ERC2: variants seen among roughly 807,000 people sequenced by gnomAD.
ERC2 encodes ELKS/RAB6-interacting/CAST family member 2, also known as ERC protein 2.
Under a neutral mutation model 114.8 loss-of-function variants are expected in ERC2, and 42 were observed. The observed-to-expected ratio is 0.37, with a 90% CI of 0.29 to 0.47. ERC2 has a LOEUF of 0.47. Ranked by LOEUF, ERC2 falls within the 20% of genes least tolerant of loss-of-function variation. ERC2 has a pLI of 0.99. For synonymous variants in ERC2, 454 were observed against 425.5 expected (o/e 1.07, Z -0.82); for missense variants, 939 against 1,150.7 (o/e 0.82, Z 2.66).
At chr3:55,961,829 C>T (rs1050374160) in intron 12 of ERC2, among the ~76,000 whole-genome samples, 6 of 145,724 alleles carry the variant, frequency 4.1e-5, no homozygotes, top group Non-Finnish European at 8.9e-5. Context: ...TTGTCAGTTC[C>T]TCACCAATGA....
intron 7 of ERC2, among the ~76,000 whole-genome samples, chr3:56,078,098 C>T (rs778509236): frequency 8.5e-5 from 13 of 152,302 alleles, no homozygotes; most frequent in South Asian, 2.1e-4. Context: ...GTTATTCCCA[C>T]GTATCCTAGA....
intron 15 of ERC2, among the ~76,000 whole-genome samples, chr3:55,728,268 A>T (rs2148903225): frequency 6.6e-6 from 1 of 152,338 alleles, no homozygotes; most frequent in South Asian, 2.1e-4. Flanking sequence ...CTCAAAAACT[A>T]GCAAGGCAGA....
chr3:56,314,959 A>C (rs909725800), intron 2 of ERC2, among the ~76,000 whole-genome samples: 1 of 152,216 alleles, frequency 6.6e-6, no homozygotes, highest in Non-Finnish European at 1.5e-5. Context: ...GTTACCACAT[A>C]ATTAGTTTCA....
chr3:55,536,819 C>A (rs1036727177), intron 17 of ERC2, among the ~76,000 whole-genome samples: 4 of 152,164 alleles, frequency 2.6e-5, no homozygotes, highest in East Asian at 1.9e-4. Context: ...GGCCTCCCAG[C>A]CCCCTCGGCC....
chr3:56,372,910 T>A (rs73073910), intron 2 of ERC2, among the ~76,000 whole-genome samples: 4 of 152,170 alleles, frequency 2.6e-5, no homozygotes, highest in Non-Finnish European at 5.9e-5. Context: ...TGGCGTAATA[T>A]GAATAATAAC....
At chr3:56,287,311 A>T (rs1289657942) in intron 3 of ERC2, among the ~76,000 whole-genome samples, 1 of 152,222 alleles carries the variant, frequency 6.6e-6, no homozygotes, top group African/African-American at 2.4e-5. Flanking sequence ...TCAAGAAGTT[A>T]AAAAAATTGT....
At chr3:56,188,716 G>A (rs1279979942) in intron 3 of ERC2, among the ~76,000 whole-genome samples, 3 of 152,200 alleles carry the variant, frequency 2.0e-5, no homozygotes, top group Non-Finnish European at 4.4e-5. Context: ...ATGGGAACAA[G>A]CTGGTCCAGC....
chr3:56,153,348 T>C (rs950223649), intron 4 of ERC2, among the ~76,000 whole-genome samples: 1 of 152,140 alleles, frequency 6.6e-6, no homozygotes, highest in Non-Finnish European at 1.5e-5. Context: ...GGGAGCTTTT[T>C]CCACTTGCAA....
intron 14 of ERC2, among the ~76,000 whole-genome samples, chr3:55,873,063 C>T (rs577682498): frequency 1.3e-5 from 2 of 152,256 alleles, no homozygotes; most frequent in African/African-American, 2.4e-5. Flanking sequence ...ATAGGCCCCA[C>T]AAGAAAGAAT....
rs141865862 is a variant in ERC2 at position 56,088,027 on chromosome 3, C to T, written c.1474-7043G>A. On this transcript the variant is annotated intron_variant, in intron 6 of 17. Transcript: ENST00000288221. Reference sequence around the variant, plus strand: ...CAGGAAAGATCACACTTCTCAGGCGCCTTTTGGGAAGATGAAACGCTGTGT... The same window carrying T: ...CAGGAAAGATCACACTTCTCAGGCGTCTTTTGGGAAGATGAAACGCTGTGT... 1.8e-3 allele frequency among the ~76,000 whole-genome samples: 272 copies of T among 152,216 alleles called. 1 individual carries two copies. Among genetic ancestry groups the T allele is most frequent in the African/African-American group, 6.3e-3 (261 of 41,550 alleles).
intron 14 of ERC2, among the ~76,000 whole-genome samples, chr3:55,846,239 C>T (rs990973874): frequency 4.3e-4 from 65 of 152,200 alleles, no homozygotes; most frequent in African/African-American, 1.5e-3. Flanking sequence ...TAAATGAGAA[C>T]ATATGGTATT....
chr3:56,160,858 C>G (rs886469643), intron 4 of ERC2, among the ~76,000 whole-genome samples: 22 of 152,162 alleles, frequency 1.4e-4, no homozygotes, highest in African/African-American at 5.3e-4. Flanking sequence ...TATACCAATA[C>G]TATGCTGTTT....
At chr3:56,249,070 T>C (rs1452258066) in intron 3 of ERC2, among the ~76,000 whole-genome samples, 1 of 152,246 alleles carries the variant, frequency 6.6e-6, no homozygotes, top group Non-Finnish European at 1.5e-5. Context: ...TATTTGAACA[T>C]GAGGCCATCA....
At chr3:55,589,836 A>G (rs1005014010) in intron 17 of ERC2, among the ~76,000 whole-genome samples, 1 of 152,126 alleles carries the variant, frequency 6.6e-6, no homozygotes. Context: ...TTTGGAGCTC[A>G]GCTGACCTCC....
At chr3:56,216,686 A>C (rs1018372069) in intron 3 of ERC2, among the ~76,000 whole-genome samples, 14 of 152,090 alleles carry the variant, frequency 9.2e-5, no homozygotes, top group African/African-American at 2.2e-4. Flanking sequence ...GAGACACAAC[A>C]AAAAAAGAGA....
At chr3:55,858,790 C>T (rs2061898678) in intron 14 of ERC2, among the ~76,000 whole-genome samples, 1 of 152,188 alleles carries the variant, frequency 6.6e-6, no homozygotes, top group East Asian at 1.9e-4. Context: ...GGGCCAGCCT[C>T]AACACCACTC....
At chr3:56,052,351 G>A (rs570799917) in intron 7 of ERC2, among the ~76,000 whole-genome samples, 1 of 152,312 alleles carries the variant, frequency 6.6e-6, no homozygotes, top group South Asian at 2.1e-4. Context: ...CCAGTATTAC[G>A]GGAAAAGGCA....
chr3:55,844,688 A>G (rs1264465416), intron 14 of ERC2, among the ~76,000 whole-genome samples: 1 of 152,238 alleles, frequency 6.6e-6, no homozygotes, highest in Non-Finnish European at 1.5e-5. Context: ...TGCATGCTAT[A>G]TCTCAATTTA....
At chr3:56,060,825 CT>C (rs2076215588) in intron 7 of ERC2, among the ~76,000 whole-genome samples, 1 of 152,190 alleles carries the variant, frequency 6.6e-6, no homozygotes, top group Admixed American at 6.5e-5. Context: ...TCTTCTGCCC[CT>C]GCCCCTACTG....
Sources: allele counts gnomAD v4.1 joint callset (sites outside exome capture counted in the v4.1 genomes callset), GRCh38; gene constraint gnomAD v4.1.1; transcripts MANE v1.5; gene names NCBI Gene and HGNC (gene_info 2026-07-23, HGNC 2026-07-21).